The following PLEKHH2 variants were observed in gnomAD, a reference collection of about 807,000 sequenced individuals.
PLEKHH2 encodes the protein pleckstrin homology, MyTH4 and FERM domain containing H2.
In PLEKHH2, 129 loss-of-function variants were observed where a neutral mutation model predicts 187.9. The observed-to-expected ratio is 0.69, with a 90% CI of 0.59 to 0.79. The LOEUF is 0.79. Among genes scored for constraint, PLEKHH2 ranks in the 30% least tolerant of loss-of-function variants. PLEKHH2 has a pLI of 0.00. For synonymous variants in PLEKHH2, 686 were observed against 605.6 expected (o/e 1.13, Z -1.95); for missense variants, 2,076 against 1,751.2 (o/e 1.19, Z -3.31).
chr2:43,640,258 G>C (rs72868693), intron 1 of PLEKHH2, among the ~76,000 whole-genome samples: 3,731 of 151,272 alleles, frequency 0.025, 147 homozygotes, highest in African/African-American at 0.087. Flanking sequence ...ACCCAGGCTG[G>C]AGTGCAGTGT....
chr2:43,745,846 G>C lies in PLEKHH2; in HGVS notation c.3556-20G>C. ...GATTTGAAAAGTACTGTAAATCTCA[G>C]TTTTCCACTTCCTTTCTAGATTTGT... On this transcript the variant is annotated intron_variant, in intron 23 of 29. Coordinates refer to ENST00000282406, the MANE Select transcript of PLEKHH2 (RefSeq NM_172069.4). The C allele has an allele frequency of 1.9e-6, 3 of 1,565,990 alleles. No homozygotes were observed. The highest frequency in any genetic ancestry group is 2.6e-6 in the Non-Finnish European group (3 of 1,141,426).
chr2:43,655,146 T>C (rs575350439), intron 2 of PLEKHH2, among the ~76,000 whole-genome samples: 1 of 152,186 alleles, frequency 6.6e-6, no homozygotes, highest in East Asian at 1.9e-4. Context: ...TTCCGGGGGC[T>C]GCAGTGCTAT....
chr2:43,712,416 G>A (rs2104522079), intron 15 of PLEKHH2, 33 bp downstream of exon 15: 1 of 1,595,282 alleles, frequency 6.3e-7, no homozygotes, highest in African/African-American at 1.3e-5. Flanking sequence ...AATGTCCCAG[G>A]CAGCTATGGG....
Position 43,742,741 on chromosome 2 carries a change from GAC to G in PLEKHH2, c.3224_3225del (p.Thr1075ArgfsTer21), listed in dbSNP as rs1671624459. 1 of 1,553,884 alleles carries G rather than the reference GAC, an allele frequency of 6.4e-7. No homozygotes were observed. Among genetic ancestry groups the G allele is most frequent in the Non-Finnish European group, 8.7e-7 (1 of 1,153,352 alleles). On this transcript the variant is annotated frameshift_variant and splice_region_variant, in exon 22 of 30. Transcript: ENST00000282406. LOFTEE classifies it high-confidence loss of function. ...LHLKRNADSR[T>X]EFGKYAIYCQ... The stretch of plus-strand genomic sequence containing the variant: ...TTTTATCTTAAGTTTTGTATTACAG[GAC>G]AGAATTTGGAAAATATGCCATTTAC...
At chr2:43,757,313 T>C (rs770890769) in intron 26 of PLEKHH2, 49 bp downstream of exon 26, 55 of 1,346,090 alleles carry the variant, frequency 4.1e-5, no homozygotes, top group Non-Finnish European at 5.0e-5. Context: ...TACTAGTTTT[T>C]TGGTAATATT....
At chr2:43,740,723 G>T (rs1671524671) in intron 20 of PLEKHH2, 3 of 661,474 alleles carry the variant, frequency 4.5e-6, no homozygotes, top group Non-Finnish European at 6.1e-6. Flanking sequence ...TGGTTCCTCA[G>T]TTGTAGATAA....
intron 2 of PLEKHH2, among the ~76,000 whole-genome samples, chr2:43,660,417 TG>T (rs1453187894): frequency 2.0e-5 from 3 of 151,668 alleles, no homozygotes; most frequent in Non-Finnish European, 4.4e-5. Context: ...TATAGGTCTA[TG>T]GTAAACATAT....
In PLEKHH2 at chr2:43,678,907, A is replaced by C. The variant is rs1305523988; in HGVS notation, c.168A>C (p.Ala56=). The change falls in exon 3 of 30, where the codon GCA becomes GCC. Residue 56 remains alanine, a synonymous_variant. Transcript: ENST00000282406. ...ERQVIDAERQ[A]EKAFQQVQVM... Reference sequence around the variant, plus strand: ...AAGTTATTGATGCTGAACGTCAAGCAGAAAAAGCTTTTCAACAGGTAGAGT... The same window carrying C: ...AAGTTATTGATGCTGAACGTCAAGCCGAAAAAGCTTTTCAACAGGTAGAGT... 6.2e-7 allele frequency: 1 copy of C among 1,609,676 alleles called. No homozygotes were observed. Among genetic ancestry groups the C allele is most frequent in the Non-Finnish European group, 8.5e-7 (1 of 1,177,096 alleles).
chr2:43,724,991 G>A (rs756459001), intron 16 of PLEKHH2, among the ~76,000 whole-genome samples: 28 of 152,182 alleles, frequency 1.8e-4, no homozygotes, highest in Non-Finnish European at 3.7e-4. Context: ...AGTAGATAGT[G>A]CAAAAGGAAA....
At chr2:43,721,654 G>C (rs1175605456) in intron 16 of PLEKHH2, among the ~76,000 whole-genome samples, 1 of 152,196 alleles carries the variant, frequency 6.6e-6, no homozygotes, top group Non-Finnish European at 1.5e-5. Context: ...GAGGCCAAGA[G>C]GTGGGAGGAT....
chr2:43,701,706 T>TA (rs34834673), intron 8 of PLEKHH2, among the ~76,000 whole-genome samples: 2,394 of 129,682 alleles, frequency 0.018, 36 homozygotes, highest in South Asian at 0.053. Flanking sequence ...ACTGCTAGAC[T>TA]AAAAAAAAAA....
intron 24 of PLEKHH2, among the ~76,000 whole-genome samples, chr2:43,751,703 A>G (rs1330519970): frequency 1.3e-5 from 2 of 152,150 alleles, no homozygotes. Context: ...CCTCTTTAGG[A>G]TTTGGAAGCA....
rs985761956 is a variant in PLEKHH2 at position 43,700,362 on chromosome 2, G to A, written c.1404G>A (p.Met468Ile). 2 of 1,614,036 alleles carry A rather than the reference G, an allele frequency of 1.2e-6. No individual in the cohort carries two copies. Among genetic ancestry groups the A allele is most frequent in the African/African-American group, 1.3e-5 (1 of 74,918 alleles). The change falls in exon 8 of 30, where the codon ATG becomes ATA. Residue 468 changes from methionine (M) to isoleucine (I), a missense_variant. Met to Ile is a conservative substitution (Grantham distance 10). Transcript: ENST00000282406. ...AGCCACAGTTAAGCTCTGACAGGAT[G>A]TTTGGTACAAATAGAAACGCTATAA... ...LSQPQLSSDR[M>I]FGTNRNAISM...
intron 5 of PLEKHH2, 65 bp from the exon 6 acceptor site, chr2:43,695,078 T>G: frequency 3.7e-6 from 3 of 814,168 alleles, no homozygotes; most frequent in Non-Finnish European, 5.4e-6. Context: ...TCTAATATTA[T>G]AATTTATTAG....
In PLEKHH2 at chr2:43,745,953, T is replaced by C; in HGVS notation, c.3643T>C (p.Tyr1215His). 1 of 1,607,070 alleles carries C rather than the reference T, an allele frequency of 6.2e-7. No homozygotes were observed. Among genetic ancestry groups the C allele is most frequent in the Non-Finnish European group, 8.5e-7 (1 of 1,174,886 alleles). The part of the protein sequence containing the change: ...CEGTRTVRLT[Y>H]KNRLYFSVQA... ...AGGTACAAGGACTGTTCGTCTGACA[T>C]ACAAAAACAGGTGTGTAATACTGCA... is the stretch of plus-strand genomic sequence containing the variant. Residue 1215 changes from tyrosine to histidine, a missense_variant, in exon 24 of 30, where the codon TAC becomes CAC. Physicochemically the swap from Tyr to His is moderately conservative, Grantham distance 83 (BLOSUM62 2). Transcript: ENST00000282406.
intron 9 of PLEKHH2, 29 bp downstream of exon 9, chr2:43,704,085 A>T: frequency 6.7e-7 from 1 of 1,483,748 alleles, no homozygotes; most frequent in Non-Finnish European, 9.4e-7. Context: ...TGCCACCTGG[A>T]TGAACCTTGA....
At chr2:43,708,703 G>A (rs563045563) in intron 11 of PLEKHH2, among the ~76,000 whole-genome samples, 1 of 152,272 alleles carries the variant, frequency 6.6e-6, no homozygotes, top group East Asian at 1.9e-4. Context: ...CTAGGACAGT[G>A]CCTGGCACAC....
chr2:43,681,482 T>C (rs181472452), intron 3 of PLEKHH2: 13 of 1,546,058 alleles, frequency 8.4e-6, no homozygotes, highest in Non-Finnish European at 8.7e-7. Flanking sequence ...CATCATCTTC[T>C]CTTTCCTGGG....
intron 2 of PLEKHH2, among the ~76,000 whole-genome samples, chr2:43,672,956 C>A (rs180706589): frequency 6.6e-6 from 1 of 152,322 alleles, no homozygotes. Flanking sequence ...TTCATTACTG[C>A]TTTGCAGTCC....
Sources: allele counts gnomAD v4.1 joint callset (sites outside exome capture counted in the v4.1 genomes callset), GRCh38; gene constraint gnomAD v4.1.1; transcripts MANE v1.5; gene names NCBI Gene and HGNC (gene_info 2026-07-23, HGNC 2026-07-21).